PCDHA10: variants seen among roughly 807,000 people sequenced by gnomAD.
PCDHA10 encodes the protein protocadherin alpha 10, also known as protocadherin alpha-10.
A neutral mutation model predicts 61.2 loss-of-function variants in PCDHA10; 45 were observed. The ratio of observed to expected loss-of-function variants is 0.74; its 90% CI spans 0.58 to 0.94. PCDHA10 has a LOEUF of 0.94. Among genes scored for constraint, PCDHA10 ranks in the 40% least tolerant of loss-of-function variants. The probability of loss-of-function intolerance (pLI) is 0.00; values close to 1 mark genes in which losing one functional copy is unlikely to be tolerated. For synonymous variants in PCDHA10, 602 were observed against 548.8 expected, an observed-to-expected ratio of 1.10 and a Z score of -1.35; for missense variants, 1,278 against 1,236.2, an observed-to-expected ratio of 1.03 and a Z score of -0.51.
intron 3 of PCDHA10, among the ~76,000 whole-genome samples, chr5:141,000,361 GTCTCTC>G (rs148596731): frequency 0.13 from 3,495 of 26,124 alleles, 319 homozygotes; most frequent in Middle Eastern, 0.15. Context: ...GTCTCTCTCT[GTCTCTC>G]TCTCTCTCTC....
chr5:140,967,425 C>G, intron 1 of PCDHA10: 2 of 1,613,296 alleles, frequency 1.2e-6, no homozygotes, highest in Non-Finnish European at 1.7e-6. Context: ...CGGGAGCAGG[C>G]AGCCTTGCAC....
chr5:140,950,662 C>T (rs1347125277), intron 1 of PCDHA10, among the ~76,000 whole-genome samples: 1 of 152,030 alleles, frequency 6.6e-6, no homozygotes, highest in East Asian at 1.9e-4. Flanking sequence ...CTGAGTTTAT[C>T]AAACATGTAC....
intron 3 of PCDHA10, among the ~76,000 whole-genome samples, chr5:140,987,599 C>T (rs1475170913): frequency 1.3e-5 from 2 of 152,086 alleles, no homozygotes; most frequent in Non-Finnish European, 2.9e-5. Context: ...GTGGTGTCTA[C>T]CTTATAGGGT....
chr5:141,008,437 C>T (rs1261106138), intron 3 of PCDHA10, among the ~76,000 whole-genome samples: 1 of 152,182 alleles, frequency 6.6e-6, no homozygotes. Context: ...TTTGCCCAGA[C>T]AGACCATTAC....
At chr5:140,997,129 C>T (rs983112049) in intron 3 of PCDHA10, among the ~76,000 whole-genome samples, 1 of 152,094 alleles carries the variant, frequency 6.6e-6, no homozygotes, top group Non-Finnish European at 1.5e-5. Flanking sequence ...ATACACAATG[C>T]CCCCACACCC....
At chr5:140,865,799 T>A (rs1286819785) in intron 1 of PCDHA10, 1 of 152,200 alleles carries the variant, frequency 6.6e-6, no homozygotes, top group East Asian at 1.9e-4. Context: ...GGCTTCAGAC[T>A]CATTCTTTTA....
At chr5:140,882,160 C>G (rs2058982745) in intron 1 of PCDHA10, 8 of 1,509,868 alleles carry the variant, frequency 5.3e-6, no homozygotes, top group Non-Finnish European at 7.1e-6. Flanking sequence ...CGGAATACCT[C>G]TTGCGAATCC....
intron 1 of PCDHA10, among the ~76,000 whole-genome samples, chr5:140,943,257 CAAAAAAAAAAA>C (rs1238620023): frequency 1.3e-5 from 1 of 77,574 alleles, no homozygotes. Flanking sequence ...GACTCTGTCT[CAAAAAAAAAAA>C]AAAAAAAAAG....
In PCDHA10 at chr5:140,964,303, C is replaced by T. The variant is rs947126454; in HGVS notation, c.2389-14646C>T. Among the ~76,000 whole-genome samples the T allele has an allele frequency of 9.2e-5, 14 of 152,208 alleles. 1 individual carries two copies. Among genetic ancestry groups the T allele is most frequent in the Non-Finnish European group, 2.9e-5 (2 of 68,038 alleles). On this transcript the variant is annotated intron_variant, in intron 1 of 3. Coordinates refer to ENST00000307360, the MANE Select transcript of PCDHA10 (RefSeq NM_018901.4). ...AATTCTAGCTGGAGCTAAATACCTA[C>T]AAGGCCTAAAACAGCATAATGGACA... is the stretch of plus-strand genomic sequence containing the variant.
At chr5:140,929,972 G>A (rs2086500191) in intron 1 of PCDHA10, 1 of 152,084 alleles carries the variant, frequency 6.6e-6, no homozygotes, top group South Asian at 2.1e-4. Flanking sequence ...TTTTGGTGAA[G>A]GTGTCTTCTT....
intron 1 of PCDHA10, chr5:140,861,317 C>T (rs1369177112): frequency 4.6e-6 from 1 of 217,818 alleles, no homozygotes; most frequent in Admixed American, 5.2e-5. Context: ...GGACCAGTTC[C>T]ACTACACCAT....
chr5:140,937,362 C>A lies in PCDHA10; in HGVS notation c.2389-41587C>A, dbSNP rs151333453. On this transcript the variant is annotated intron_variant, in intron 1 of 3. Coordinates refer to ENST00000307360, the MANE Select transcript of PCDHA10 (RefSeq NM_018901.4). ...TCTTCCATTTATTTTATTATTTTAT[C>A]TTAATGTTTATGTGTGTGTATGTGT... Among the ~76,000 whole-genome samples the A allele has an allele frequency of 4.1e-4, 62 of 152,138 alleles. No individual in the cohort carries two copies. In the East Asian group the frequency reaches 0.01, roughly 25 times the overall value.
Position 140,875,458 on chromosome 5 carries a change from C to T in PCDHA10, c.2388+17022C>T, listed in dbSNP as rs149655466. ...AAAACTGATTGTCCCAACTCAGAGG[C>T]CCTCATTTTCTGCAATGGTGATTAT... On this transcript the variant is annotated intron_variant, in intron 1 of 3. Transcript: ENST00000307360. The T allele has an allele frequency of 1.1e-3, 1,729 of 1,596,942 alleles. 10 individuals are homozygous for T. In the African/African-American group the frequency reaches 0.015, roughly 14 times the overall value.
At chr5:140,870,383 G>A (rs2051950706) in intron 1 of PCDHA10, 20 of 1,614,242 alleles carry the variant, frequency 1.2e-5, no homozygotes, top group Non-Finnish European at 1.7e-5. Flanking sequence ...GTGACTGCGC[G>A]GGATGGGGGT....
chr5:140,923,152 T>C (rs2153567399), intron 1 of PCDHA10, among the ~76,000 whole-genome samples: 1 of 152,204 alleles, frequency 6.6e-6, no homozygotes, highest in South Asian at 2.1e-4. Context: ...TAAAAAAAAT[T>C]ATAGAAAGAT....
chr5:141,010,025 A>G lies in PCDHA10; in HGVS notation c.*88A>G. The G allele has an allele frequency of 6.4e-7, 1 of 1,573,940 alleles. No homozygotes were observed. The highest frequency in any genetic ancestry group is 2.2e-5 in the East Asian group (1 of 44,636). ...TAGCAATTCCCTGCTCCTTTTTCCT[A>G]TCTACATGAGCCCTCTTAGAGACCT... On this transcript the variant is annotated 3_prime_UTR_variant, in exon 4 of 4. Transcript: ENST00000307360.
intron 3 of PCDHA10, among the ~76,000 whole-genome samples, chr5:141,004,953 G>A (rs1409171628): frequency 7.2e-5 from 11 of 152,166 alleles, no homozygotes; most frequent in African/African-American, 2.4e-4. Context: ...ACCCTCTCTC[G>A]TCACTGCCTG....
chr5:140,934,625 A>G (rs1554210030), intron 1 of PCDHA10, among the ~76,000 whole-genome samples: 1 of 152,116 alleles, frequency 6.6e-6, no homozygotes, highest in Non-Finnish European at 1.5e-5. Context: ...GGTACAGTTC[A>G]CACAGGAAAG....
chr5:140,976,511 A>G (rs1216804890), intron 1 of PCDHA10, among the ~76,000 whole-genome samples: 1 of 152,148 alleles, frequency 6.6e-6, no homozygotes, highest in Non-Finnish European at 1.5e-5. Flanking sequence ...AGATCGCGCC[A>G]CTGCACACCA....
Sources: allele counts gnomAD v4.1 joint callset (sites outside exome capture counted in the v4.1 genomes callset), GRCh38; gene constraint gnomAD v4.1.1; transcripts MANE v1.5; gene names NCBI Gene and HGNC (gene_info 2026-07-23, HGNC 2026-07-21).